The following PPM1H variants were observed in gnomAD, a reference collection of about 807,000 sequenced individuals.
PPM1H encodes the protein protein phosphatase 1H.
PPM1H carries 27 observed loss-of-function variants against 54.9 expected under a neutral mutation model. The ratio of observed to expected loss-of-function variants is 0.49; its 90% confidence interval spans 0.36 to 0.68. The LOEUF (loss-of-function observed/expected upper bound fraction) is 0.68. Ranked by LOEUF, PPM1H falls within the 30% of genes least tolerant of loss-of-function variation. The probability of loss-of-function intolerance (pLI) is 0.00; values close to 1 mark genes in which losing one functional copy is unlikely to be tolerated. For synonymous variants in PPM1H, 305 were observed against 270.8 expected (o/e 1.13, Z -1.24); for missense variants, 596 against 667.8 (o/e 0.89, Z 1.19).
chr12:62,715,209 A>G (rs966457847), intron 6 of PPM1H, among the ~76,000 whole-genome samples: 10 of 152,162 alleles, frequency 6.6e-5, no homozygotes, highest in African/African-American at 2.4e-4. Context: ...AAGGCAACAC[A>G]ATGCCAGCTA....
chr12:62,879,458 T>G (rs1346228569), intron 1 of PPM1H, among the ~76,000 whole-genome samples: 1 of 152,168 alleles, frequency 6.6e-6, no homozygotes, highest in Admixed American at 6.5e-5. Flanking sequence ...TCATGCCCTT[T>G]TTAGGGACAC....
At chr12:62,848,673 G>C (rs1869065242) in intron 1 of PPM1H, among the ~76,000 whole-genome samples, 1 of 152,130 alleles carries the variant, frequency 6.6e-6, no homozygotes, top group Admixed American at 6.5e-5. Flanking sequence ...GATGAATCAT[G>C]GTCGTTTTAA....
At chr12:62,873,521 T>C (rs1870058572) in intron 1 of PPM1H, among the ~76,000 whole-genome samples, 1 of 152,112 alleles carries the variant, frequency 6.6e-6, no homozygotes, top group Admixed American at 6.6e-5. Context: ...AAGGTAATTA[T>C]CCCCCACTGA....
chr12:62,667,251 C>T lies in PPM1H; in HGVS notation c.1324G>A (p.Val442Ile), dbSNP rs548929940. ...TCTGCTACTTCTTCATTTGATAAAA[C>T]GTCCCAGAGTCCATCAGTGGCCAAG... ...LILATDGLWDVLSNEEVAEAI... is the reference protein window; with the variant it reads ...LILATDGLWDILSNEEVAEAI... The change falls in exon 9 of 10, where the codon GTT becomes ATT. Residue 442 changes from valine to isoleucine, a missense_variant. Transcript: ENST00000228705. 24 of 1,599,806 alleles carry T rather than the reference C, an allele frequency of 1.5e-5. No individual in the cohort carries two copies. Among genetic ancestry groups the T allele is most frequent in the South Asian group, 1.4e-4 (13 of 90,644 alleles).
At chr12:62,824,128 C>T (rs1051059966) in intron 2 of PPM1H, among the ~76,000 whole-genome samples, 1 of 151,952 alleles carries the variant, frequency 6.6e-6, no homozygotes, top group Non-Finnish European at 1.5e-5. Flanking sequence ...AGAGCCAAAT[C>T]ATGAGTGAAC....
rs889120937 is a variant in PPM1H, at chr12:62,870,436, A to C, written c.246-38157T>G. On this transcript the variant is annotated intron_variant, in intron 1 of 9. Transcript: ENST00000228705. ...CTGACTGTAGGTAGGGAGATCAATG[A>C]AGAGGTCATTTCAGTTTTTCAAGAG... is the stretch of plus-strand genomic sequence containing the variant. Among the ~76,000 whole-genome samples the C allele has an allele frequency of 7.2e-5, 11 of 152,172 alleles. 1 individual carries two copies.
At chr12:62,881,371 A>G (rs1483122252) in intron 1 of PPM1H, among the ~76,000 whole-genome samples, 1 of 152,120 alleles carries the variant, frequency 6.6e-6, no homozygotes, top group African/African-American at 2.4e-5. Context: ...TATGCTAAAT[A>G]AGCTGATAAT....
chr12:62,659,284 A>AAAAAAT, intron 9 of PPM1H: 1 of 503,884 alleles, frequency 2.0e-6, no homozygotes, highest in East Asian at 3.5e-5. Context: ...AAAAAAAAAA[A>AAAAAAT]AAAAAAAGAG....
chr12:62,771,329 CA>C (rs2076578888), intron 4 of PPM1H, among the ~76,000 whole-genome samples: 1 of 151,864 alleles, frequency 6.6e-6, no homozygotes, highest in African/African-American at 2.4e-5. Flanking sequence ...CACACACACA[CA>C]CACACACACG....
At chr12:62,733,261 C>G (rs867266464) in intron 5 of PPM1H, among the ~76,000 whole-genome samples, 3 of 152,014 alleles carry the variant, frequency 2.0e-5, no homozygotes, top group East Asian at 1.9e-4. Context: ...TTCTCCACCC[C>G]CCTCCCTGCC....
chr12:62,887,986 G>T (rs3847908), intron 1 of PPM1H, among the ~76,000 whole-genome samples: 54,979 of 152,012 alleles, frequency 0.36, 10,427 homozygotes, highest in East Asian at 0.55. Context: ...AGAAGGGCAT[G>T]CAAGCATGAG....
intron 4 of PPM1H, among the ~76,000 whole-genome samples, chr12:62,786,122 G>A (rs1592598145): frequency 6.6e-6 from 1 of 152,184 alleles, no homozygotes; most frequent in South Asian, 2.1e-4. Flanking sequence ...AAAGGTGAAC[G>A]TGAGTGCAAC....
intron 1 of PPM1H, among the ~76,000 whole-genome samples, chr12:62,876,564 A>G (rs1477759434): frequency 6.6e-6 from 1 of 152,236 alleles, no homozygotes; most frequent in Admixed American, 6.5e-5. Flanking sequence ...AAAAGAAAAC[A>G]CAAGTGGGCA....
At chr12:62,739,533 C>T (rs1334443124) in intron 4 of PPM1H, among the ~76,000 whole-genome samples, 1 of 152,162 alleles carries the variant, frequency 6.6e-6, no homozygotes, top group East Asian at 1.9e-4. Flanking sequence ...AAGATTTTGC[C>T]TAAAGCTACT....
chr12:62,744,700 A>G (rs959530207), intron 4 of PPM1H, among the ~76,000 whole-genome samples: 1 of 152,192 alleles, frequency 6.6e-6, no homozygotes, highest in African/African-American at 2.4e-5. Context: ...TCTGCCCAGC[A>G]GGCCTCACGG....
intron 3 of PPM1H, among the ~76,000 whole-genome samples, chr12:62,797,480 T>C (rs1312057041): frequency 6.6e-6 from 1 of 151,088 alleles, no homozygotes; most frequent in East Asian, 1.9e-4. Flanking sequence ...AATTAGAGAG[T>C]GGGTGGCTAC....
At chr12:62,893,240 A>G (rs1870862868) in intron 1 of PPM1H, among the ~76,000 whole-genome samples, 1 of 152,334 alleles carries the variant, frequency 6.6e-6, no homozygotes, top group East Asian at 1.9e-4. Context: ...CCTTAACAAA[A>G]TACCACAGAC....
intron 1 of PPM1H, among the ~76,000 whole-genome samples, chr12:62,927,168 T>C (rs1020652914): frequency 6.6e-6 from 1 of 152,208 alleles, no homozygotes; most frequent in Non-Finnish European, 1.5e-5. Context: ...CAATCTGATA[T>C]GTATCACAGT....
chr12:62,811,759 T>G (rs2120778962), intron 2 of PPM1H, among the ~76,000 whole-genome samples: 1 of 152,300 alleles, frequency 6.6e-6, no homozygotes, highest in East Asian at 1.9e-4. Context: ...AAGAAGGATG[T>G]GTTTGCTTCC....
Sources: allele counts gnomAD v4.1 joint callset (sites outside exome capture counted in the v4.1 genomes callset), GRCh38; gene constraint gnomAD v4.1.1; transcripts MANE v1.5; gene names NCBI Gene and HGNC (gene_info 2026-07-23, HGNC 2026-07-21).